FAM135B: variants seen among roughly 807,000 people sequenced by gnomAD.
FAM135B encodes protein FAM135B.
A neutral mutation model predicts 127.7 loss-of-function variants in FAM135B; 43 were observed. The ratio of observed to expected loss-of-function variants is 0.34; its 90% CI spans 0.26 to 0.43. The LOEUF (loss-of-function observed/expected upper bound fraction) is 0.43. FAM135B is among the 20% of genes least tolerant of loss of function. The pLI is 1.00. For missense variants in FAM135B, 1,558 were observed against 1,725.6 expected (o/e 0.90, Z 1.72); for synonymous variants, 670 against 665.1 (o/e 1.01, Z -0.11).
At chr8:138,464,677 C>CA (rs1837297590) in intron 1 of FAM135B, among the ~76,000 whole-genome samples, 3 of 152,218 alleles carry the variant, frequency 2.0e-5, no homozygotes, top group African/African-American at 7.2e-5. Context: ...ATTCTTCCAT[C>CA]ATCCCAACAG....
At chr8:138,263,997 C>T (rs562450078) in intron 4 of FAM135B, among the ~76,000 whole-genome samples, 2 of 152,268 alleles carry the variant, frequency 1.3e-5, no homozygotes, top group South Asian at 4.2e-4. Flanking sequence ...CAAGAATAAG[C>T]CCTAAATTCC....
chr8:138,152,333 C>A lies in FAM135B; in HGVS notation c.2142G>T (p.Leu714Phe). ...ALELPSDREVLHPFVRRHALH... is the reference protein window; with the variant it reads ...ALELPSDREVFHPFVRRHALH... ...GGGCATGTCTTCGAACAAACGGGTGCAAGACTTCCCGATCACTGGGCAACT... is the reference window on the plus strand; with the variant it reads ...GGGCATGTCTTCGAACAAACGGGTGAAAGACTTCCCGATCACTGGGCAACT... Residue 714 changes from leucine (L) to phenylalanine (F), a missense_variant, in exon 13 of 20, where the codon TTG becomes TTT. Coordinates refer to ENST00000395297, the MANE Select transcript of FAM135B (RefSeq NM_015912.4). 6.2e-7 allele frequency: 1 copy of A among 1,614,148 alleles called. No homozygotes were observed. Among genetic ancestry groups the A allele is most frequent in the East Asian group, 2.2e-5 (1 of 44,862 alleles).
intron 7 of FAM135B, among the ~76,000 whole-genome samples, chr8:138,203,927 TCC>T (rs1345891828): frequency 6.6e-6 from 1 of 152,038 alleles, no homozygotes; most frequent in Non-Finnish European, 1.5e-5. Flanking sequence ...GCAACCTAGA[TCC>T]CTCCCATGTA....
At chr8:138,228,215 C>T (rs1819623576) in intron 7 of FAM135B, among the ~76,000 whole-genome samples, 1 of 152,050 alleles carries the variant, frequency 6.6e-6, no homozygotes, top group African/African-American at 2.4e-5. Context: ...TCCAAGAGAC[C>T]TCAGTTGGAG....
At chr8:138,302,179 A>G (rs1481888446) in intron 3 of FAM135B, among the ~76,000 whole-genome samples, 2 of 152,132 alleles carry the variant, frequency 1.3e-5, no homozygotes, top group Non-Finnish European at 2.9e-5. Flanking sequence ...GAGAAGAAAA[A>G]TGAATTCCAA....
At chr8:138,263,133 T>G (rs1343475508) in intron 4 of FAM135B, among the ~76,000 whole-genome samples, 1 of 151,760 alleles carries the variant, frequency 6.6e-6, no homozygotes, top group Non-Finnish European at 1.5e-5. Context: ...TGAAGAAAAA[T>G]TAAAATTAAA....
At chr8:138,359,103 T>G (rs1830258813) in intron 2 of FAM135B, among the ~76,000 whole-genome samples, 1 of 152,112 alleles carries the variant, frequency 6.6e-6, no homozygotes, top group Non-Finnish European at 1.5e-5. Context: ...AGAATGTTCA[T>G]CTACATAAGC....
chr8:138,385,014 C>T lies in FAM135B; in HGVS notation c.-19-17012G>A, dbSNP rs1285689281. On this transcript the variant is annotated intron_variant, in intron 1 of 19. Coordinates refer to ENST00000395297, the MANE Select transcript of FAM135B (RefSeq NM_015912.4). The stretch of plus-strand genomic sequence containing the variant: ...AACGCAGTCTGATATAATCTGCTTC[C>T]CAGCTCTCCTGTGGATAACCCCCTT... Among the ~76,000 whole-genome samples the T allele has an allele frequency of 2.0e-5, 3 of 152,116 alleles. No homozygotes were observed. In the East Asian group the frequency reaches 5.8e-4, roughly 29 times the overall value.
chr8:138,406,392 C>T (rs9694898), intron 1 of FAM135B, among the ~76,000 whole-genome samples: 60,077 of 151,122 alleles, frequency 0.4, 12,427 homozygotes, highest in African/African-American at 0.52. Context: ...AGAGGGAATC[C>T]TCCCTAACTT....
chr8:138,368,856 G>A (rs1461460909), intron 1 of FAM135B, among the ~76,000 whole-genome samples: 1 of 152,248 alleles, frequency 6.6e-6, no homozygotes, highest in Non-Finnish European at 1.5e-5. Context: ...TAGATACCAG[G>A]AATGTGATGA....
intron 1 of FAM135B, among the ~76,000 whole-genome samples, chr8:138,487,895 T>G (rs1281618613): frequency 6.6e-6 from 1 of 151,770 alleles, no homozygotes; most frequent in Non-Finnish European, 1.5e-5. Context: ...TCCCAGCTAC[T>G]GGGGAGGCCG....
At chr8:138,303,724 G>A (rs974166672) in intron 3 of FAM135B, among the ~76,000 whole-genome samples, 2 of 152,232 alleles carry the variant, frequency 1.3e-5, no homozygotes, top group Non-Finnish European at 2.9e-5. Flanking sequence ...AGGCTGTGGT[G>A]TCCTGGTGCG....
In FAM135B at chr8:138,165,122, ATT is replaced by A. The variant is rs5895498; in HGVS notation, c.1258+2771_1258+2772del. ...ATGAATTTATTTATTTATTTAATTGATTTTTTTTTTTTTTTGAGACGGAGTTT... is the reference window on the plus strand; with the variant it reads ...ATGAATTTATTTATTTATTTAATTGATTTTTTTTTTTTTGAGACGGAGTTT... On this transcript the variant is annotated intron_variant, in intron 12 of 19. Transcript: ENST00000395297. Among the ~76,000 whole-genome samples the A allele has an allele frequency of 1.2e-3, 166 of 142,476 alleles. 1 individual carries two copies. The highest frequency in any genetic ancestry group is 2.4e-3 in the African/African-American group (91 of 38,524). The allele number at this position is 142,476 out of a possible 152,430, so 93.5% of individuals were successfully genotyped here.
intron 1 of FAM135B, among the ~76,000 whole-genome samples, chr8:138,375,683 A>G (rs568766567): frequency 6.6e-6 from 1 of 152,170 alleles, no homozygotes; most frequent in South Asian, 2.1e-4. Context: ...TCTCATCATC[A>G]TATTTCACTG....
chr8:138,204,523 T>A (rs772175219), intron 7 of FAM135B, among the ~76,000 whole-genome samples: 1 of 152,162 alleles, frequency 6.6e-6, no homozygotes, highest in Non-Finnish European at 1.5e-5. Context: ...AATGAGTGAG[T>A]CATAGCATCC....
At chr8:138,488,858 G>T (rs1433127696) in intron 1 of FAM135B, among the ~76,000 whole-genome samples, 2 of 152,224 alleles carry the variant, frequency 1.3e-5, no homozygotes, top group South Asian at 2.1e-4. Context: ...GTAGAGATGG[G>T]GTTTCACCAT....
rs11271386 is a variant in FAM135B at position 138,425,964 on chromosome 8, CATATATATATATATATATATATATATAT to C, written c.-19-57990_-19-57963del. ...AGGAGTTCGAGACCAGCCAGGCCAA[CATATATATATATATATATATATATATAT>C]ATATATATATATATATATATACACA... On this transcript the variant is annotated intron_variant, in intron 1 of 19. Transcript: ENST00000395297. Among the ~76,000 whole-genome samples, 437 of 109,998 alleles carry C rather than the reference CATATATATATATATATATATATATATAT, an allele frequency of 4.0e-3. 10 individuals are homozygous for C. The highest frequency in any genetic ancestry group is 0.027 in the South Asian group (57 of 2,102). The allele number at this position is 109,998 out of a possible 152,430, so 72.2% of individuals were successfully genotyped here.
chr8:138,364,747 A>C (rs1830635775), intron 2 of FAM135B, among the ~76,000 whole-genome samples: 2 of 152,186 alleles, frequency 1.3e-5, no homozygotes, highest in Non-Finnish European at 2.9e-5. Flanking sequence ...CTCATATATA[A>C]TATGCATTAC....
chr8:138,483,685 A>G (rs1176606713), intron 1 of FAM135B, among the ~76,000 whole-genome samples: 1 of 152,170 alleles, frequency 6.6e-6, no homozygotes, highest in Admixed American at 6.5e-5. Context: ...TGGAAGCCAT[A>G]ATCAGGACCC....
Sources: gnomAD v4.1 joint callset for allele counts (sites outside exome capture counted in the v4.1 genomes callset) on GRCh38, gnomAD v4.1.1 for gene constraint, MANE v1.5 for transcripts, NCBI Gene and HGNC (gene_info 2026-07-23, HGNC 2026-07-21) for gene names.